The following ITSN1 variants were observed in gnomAD, a reference collection of about 807,000 sequenced individuals.
The protein encoded by ITSN1 is intersectin 1, also known as intersectin-1.
In ITSN1, 58 loss-of-function variants were observed where a neutral mutation model predicts 239.8. The observed-to-expected ratio is 0.24, with a 90% CI of 0.20 to 0.30. The LOEUF (loss-of-function observed/expected upper bound fraction) is 0.30, where lower values mean the gene tolerates loss of function less well. ITSN1 is among the 10% of genes least tolerant of loss of function. The pLI, the probability that ITSN1 is intolerant of heterozygous loss-of-function variation, is 1.00. For missense variants in ITSN1, 1,558 were observed against 2,103.3 expected (o/e 0.74, Z 5.07); for synonymous variants, 780 against 770.8 (o/e 1.01, Z -0.20).
At chr21:33,780,623 T>C (rs1322659685) in intron 14 of ITSN1, among the ~76,000 whole-genome samples, 2 of 152,224 alleles carry the variant, frequency 1.3e-5, no homozygotes, top group Non-Finnish European at 2.9e-5. Context: ...GGTTTTTAGC[T>C]TCTGATGAAA....
intron 24 of ITSN1, among the ~76,000 whole-genome samples, chr21:33,823,278 TC>T (rs2148306492): frequency 6.6e-6 from 1 of 152,352 alleles, no homozygotes; most frequent in South Asian, 2.1e-4. Context: ...AGGAATTGTC[TC>T]CCTGTCTGCA....
intron 1 of ITSN1, among the ~76,000 whole-genome samples, chr21:33,687,078 C>A (rs1410454639): frequency 6.6e-6 from 1 of 152,002 alleles, no homozygotes; most frequent in Non-Finnish European, 1.5e-5. Context: ...TGCCTGTAAT[C>A]CCAGCACTTT....
rs1986926899 is a variant in ITSN1, at chr21:33,898,689, G to A, written c.*10389G>A. On this transcript the variant is annotated 3_prime_UTR_variant, in exon 40 of 40. Transcript: ENST00000381318. The stretch of plus-strand genomic sequence containing the variant: ...CATTGTGTTTGGGGGTGACACCGCT[G>A]GTGGAAGGTTGAGGGCCTGTGGTCT... The A allele has an allele frequency of 6.6e-6, 1 of 152,256 alleles. No individual in the cohort carries two copies. 9.4% of individuals were successfully genotyped at this position (152,256 alleles called of 1,614,324 possible).
At chr21:33,676,975 G>C (rs1040531717) in intron 1 of ITSN1, among the ~76,000 whole-genome samples, 2 of 150,800 alleles carry the variant, frequency 1.3e-5, no homozygotes, top group East Asian at 3.9e-4. Context: ...TTGGACACAG[G>C]GTGGGGAACA....
intron 29 of ITSN1, among the ~76,000 whole-genome samples, chr21:33,839,337 G>A (rs1313928575): frequency 1.3e-5 from 2 of 152,212 alleles, no homozygotes; most frequent in Admixed American, 6.5e-5. Flanking sequence ...CAGGGCCAGG[G>A]GAGGGTGGCT....
At chr21:33,658,239 C>T (rs940670588) in intron 1 of ITSN1, among the ~76,000 whole-genome samples, 22 of 152,034 alleles carry the variant, frequency 1.4e-4, no homozygotes, top group Admixed American at 9.2e-4. Flanking sequence ...ATTGTCTTCA[C>T]GTTGAGTAGG....
Position 33,682,063 on chromosome 21 carries a change from T to C in ITSN1, c.-32-36734T>C, listed in dbSNP as rs531426150. ...GGGGTCATTTTGCCATACCAAAAGA[T>C]TATGTGCTTAAAAAAAAAACTACAT... On this transcript the variant is annotated intron_variant, in intron 1 of 39. Coordinates refer to ENST00000381318, the MANE Select transcript of ITSN1 (RefSeq NM_003024.3). Among the ~76,000 whole-genome samples the C allele has an allele frequency of 6.8e-5, 10 of 147,068 alleles. No individual in the cohort carries two copies. In the East Asian group the frequency reaches 1.6e-3, roughly 24 times the overall value.
chr21:33,752,802 C>G (rs2147505650), intron 7 of ITSN1, among the ~76,000 whole-genome samples: 1 of 149,202 alleles, frequency 6.7e-6, no homozygotes, highest in East Asian at 2.0e-4. Context: ...TGCCACTGCA[C>G]TCTTGCCTGG....
intron 29 of ITSN1, among the ~76,000 whole-genome samples, chr21:33,855,965 C>A (rs1397614514): frequency 6.6e-6 from 1 of 152,232 alleles, no homozygotes; most frequent in Non-Finnish European, 1.5e-5. Flanking sequence ...ACATGGATAA[C>A]CCATGGCCTC....
intron 34 of ITSN1, among the ~76,000 whole-genome samples, chr21:33,881,406 CAAAAAAA>C (rs1207634551): frequency 2.7e-5 from 2 of 75,054 alleles, no homozygotes; most frequent in South Asian, 5.1e-4. Flanking sequence ...GACTCTGTCT[CAAAAAAA>C]AAAAAAAAAA....
chr21:33,798,695 T>C (rs1404042486), intron 18 of ITSN1, among the ~76,000 whole-genome samples: 7 of 152,152 alleles, frequency 4.6e-5, no homozygotes, highest in African/African-American at 1.7e-4. Context: ...AAAAACACTT[T>C]CAAGCTATTC....
intron 30 of ITSN1, 34 bp downstream of exon 30, chr21:33,856,891 G>A: frequency 6.2e-7 from 1 of 1,608,110 alleles, no homozygotes; most frequent in Non-Finnish European, 8.5e-7. Flanking sequence ...GGCACGGCAG[G>A]GGGCGATGAC....
intron 20 of ITSN1, among the ~76,000 whole-genome samples, chr21:33,804,641 G>T (rs1371744630): frequency 6.6e-6 from 1 of 152,090 alleles, no homozygotes; most frequent in African/African-American, 2.4e-5. Flanking sequence ...ATACTTGGAG[G>T]GTGAATTAAA....
intron 1 of ITSN1, among the ~76,000 whole-genome samples, 170 bp downstream of exon 1, chr21:33,642,883 C>T (rs1488612856): frequency 6.6e-6 from 1 of 151,540 alleles, no homozygotes. Context: ...ACGGCAGCGG[C>T]TGCCCCTCTG....
chr21:33,654,606 T>A (rs1209572234), intron 1 of ITSN1, among the ~76,000 whole-genome samples: 2 of 152,148 alleles, frequency 1.3e-5, no homozygotes, highest in African/African-American at 4.8e-5. Flanking sequence ...TACATTGAAC[T>A]CGGGTTGGGC....
intron 5 of ITSN1, among the ~76,000 whole-genome samples, chr21:33,743,324 G>A (rs1249106684): frequency 1.3e-5 from 2 of 152,156 alleles, no homozygotes; most frequent in Non-Finnish European, 1.5e-5. Flanking sequence ...AAATTAGCTG[G>A]GTATGGTGGC....
intron 2 of ITSN1, among the ~76,000 whole-genome samples, chr21:33,720,556 C>T (rs1198089843): frequency 6.6e-6 from 1 of 151,934 alleles, no homozygotes. Flanking sequence ...CAGGACATCC[C>T]CTGCCCTTCT....
rs1369731599 is a variant in ITSN1, at chr21:33,797,716, G to GAGA, written c.2182+110_2182+112dup. On this transcript the variant is annotated intron_variant, in intron 18 of 39. Coordinates refer to ENST00000381318, the MANE Select transcript of ITSN1 (RefSeq NM_003024.3). The surrounding 1 kb of genome is among the most constrained non-coding windows in gnomAD (Gnocchi z 4.9). ...ACCTGTCTTGGCTACATTAACAGAT[G>GAGA]AGAACGTCAGTCTCTTATTTTGAGC... 2.7e-5 allele frequency: 21 copies of GAGA among 764,490 alleles called. No individual in the cohort carries two copies. The highest frequency in any genetic ancestry group is 4.3e-5 in the Non-Finnish European group (20 of 465,486). 47.4% of individuals were successfully genotyped at this position (764,490 alleles called of 1,614,324 possible).
intron 36 of ITSN1, among the ~76,000 whole-genome samples, 163 bp from the exon 37 acceptor site, chr21:33,884,878 A>G (rs987787979): frequency 6.6e-6 from 1 of 152,216 alleles, no homozygotes; most frequent in Non-Finnish European, 1.5e-5. Flanking sequence ...TGGCAGGAAT[A>G]AGTATTAGCG....
Sources: allele counts gnomAD v4.1 joint callset (sites outside exome capture counted in the v4.1 genomes callset), GRCh38; gene constraint gnomAD v4.1.1; non-coding constraint Gnocchi (gnomAD v3.1); transcripts MANE v1.5; gene names NCBI Gene and HGNC (gene_info 2026-07-23, HGNC 2026-07-21).